Variants in ZFAT observed in about 807,000 individuals in gnomAD.
The protein encoded by ZFAT is zinc finger and AT-hook domain containing, also known as zinc finger protein ZFAT.
In ZFAT, 64 loss-of-function variants were observed where a neutral mutation model predicts 117.7. The observed-to-expected ratio is 0.54, with a 90% CI of 0.44 to 0.67. The LOEUF (loss-of-function observed/expected upper bound fraction) is 0.67. Ranked by LOEUF, ZFAT falls within the 30% of genes least tolerant of loss-of-function variation. ZFAT has a pLI of 0.00. For synonymous variants in ZFAT, 679 were observed against 615.0 expected (o/e 1.10, Z -1.54); for missense variants, 1,433 against 1,584.5 (o/e 0.90, Z 1.62).
At chr8:134,785,933 CAT>C in the ZFAT span, 47 of 152,296 alleles carry the variant, frequency 3.1e-4, no homozygotes, top group East Asian at 8.7e-3. Flanking sequence ...CATTCTCTAA[CAT>C]AGAATACTGC....
chr8:134,647,229 TA>T lies in ZFAT; in HGVS notation c.197-9518del, dbSNP rs971723997. 2.3e-3 allele frequency among the ~76,000 whole-genome samples: 354 copies of T among 152,298 alleles called. 1 individual carries two copies. The highest frequency in any genetic ancestry group is 8.2e-3 in the African/African-American group (342 of 41,560). Reference sequence around the variant, plus strand: ...GGCTGGTTCAACATATGTGTATAAATAAATGTGATATATAACATTTATAGAA... The same window carrying T: ...GGCTGGTTCAACATATGTGTATAAATAATGTGATATATAACATTTATAGAA... On this transcript the variant is annotated intron_variant, in intron 2 of 15. Coordinates refer to ENST00000377838, the MANE Select transcript of ZFAT (RefSeq NM_020863.4).
chr8:134,517,945 C>A (rs918388656), intron 13 of ZFAT, among the ~76,000 whole-genome samples: 1 of 152,104 alleles, frequency 6.6e-6, no homozygotes, highest in Non-Finnish European at 1.5e-5. Context: ...CTGATGATGC[C>A]AACCTCTACT....
chr8:134,761,982 ATGTGTGTGTGTGTGTG>A, the ZFAT span, among the ~76,000 whole-genome samples: 1 of 147,242 alleles, frequency 6.8e-6, no homozygotes, highest in South Asian at 2.2e-4. Context: ...TTCTCTCTGT[ATGTGTGTGTGTGTGTG>A]TGTGTGTGTG....
the ZFAT span, among the ~76,000 whole-genome samples, chr8:134,803,700 G>A: frequency 6.6e-6 from 1 of 152,076 alleles, no homozygotes; most frequent in East Asian, 1.9e-4. Context: ...AAAGATAAGA[G>A]GCAACAGTAG....
intron 1 of ZFAT, among the ~76,000 whole-genome samples, chr8:134,691,944 C>A (rs181371399): frequency 7.9e-5 from 12 of 152,154 alleles, no homozygotes; most frequent in African/African-American, 2.9e-4. Context: ...ACTAACTGAA[C>A]CCTCCTGGGT....
intron 1 of ZFAT, among the ~76,000 whole-genome samples, chr8:134,710,051 T>C (rs956588158): frequency 6.6e-6 from 1 of 152,228 alleles, no homozygotes; most frequent in Admixed American, 6.5e-5. Context: ...CTTTTCTCAT[T>C]TGGTACAGCT....
intron 13 of ZFAT, 54 bp from the exon 14 acceptor site, chr8:134,512,655 G>GTCATACATAACAT: frequency 6.3e-7 from 1 of 1,578,982 alleles, no homozygotes; most frequent in African/African-American, 1.4e-5. Context: ...CTGTTGCCCA[G>GTCATACATAACAT]AAGTTCCAAG....
chr8:134,828,027 T>G, the ZFAT span, among the ~76,000 whole-genome samples: 1 of 152,182 alleles, frequency 6.6e-6, no homozygotes, highest in Non-Finnish European at 1.5e-5. Context: ...TATACTCACC[T>G]TTTTTACATG....
intron 10 of ZFAT, chr8:134,565,782 A>G (rs571156194): frequency 3.0e-6 from 1 of 337,534 alleles, no homozygotes; most frequent in African/African-American, 2.2e-5. Flanking sequence ...GGAATGGACC[A>G]CAGGGTGCTC....
intron 10 of ZFAT, 103 bp from the exon 11 acceptor site, chr8:134,565,524 A>T: frequency 9.3e-7 from 1 of 1,077,180 alleles, no homozygotes; most frequent in Non-Finnish European, 1.4e-6. Flanking sequence ...GTTCCTTGCC[A>T]TGTGAGGATC....
At chr8:134,632,646 TAA>T (rs757968475) in intron 3 of ZFAT, among the ~76,000 whole-genome samples, 243 of 152,184 alleles carry the variant, frequency 1.6e-3, no homozygotes, top group Non-Finnish European at 2.6e-3. Flanking sequence ...GCAAAAAATG[TAA>T]AAGATACATT....
the ZFAT span, among the ~76,000 whole-genome samples, chr8:134,817,099 A>G: frequency 6.6e-6 from 1 of 152,166 alleles, no homozygotes; most frequent in Non-Finnish European, 1.5e-5. Flanking sequence ...TATGCTGCCC[A>G]GTTGATCAAA....
the ZFAT span, among the ~76,000 whole-genome samples, chr8:134,719,383 T>C: frequency 6.6e-6 from 1 of 152,046 alleles, no homozygotes; most frequent in Admixed American, 6.5e-5. Context: ...GAAAATGCAG[T>C]TGAGTGCCAC....
intron 2 of ZFAT, among the ~76,000 whole-genome samples, chr8:134,650,430 C>A (rs1272599649): frequency 6.6e-6 from 1 of 152,076 alleles, no homozygotes; most frequent in Non-Finnish European, 1.5e-5. Flanking sequence ...CCGGCCTAAA[C>A]CTCTTTTCTT....
chr8:134,821,076 A>G, the ZFAT span, among the ~76,000 whole-genome samples: 2 of 152,228 alleles, frequency 1.3e-5, no homozygotes, highest in Non-Finnish European at 2.9e-5. Context: ...TCTGATTCTC[A>G]GATGGTTGTT....
intron 15 of ZFAT, among the ~76,000 whole-genome samples, chr8:134,484,621 T>G (rs550696908): frequency 1.3e-5 from 2 of 152,124 alleles, no homozygotes; most frequent in African/African-American, 2.4e-5. Context: ...AGAGCACAGA[T>G]TTTTTGACTT....
chr8:134,564,508 G>A (rs902390397), intron 11 of ZFAT, among the ~76,000 whole-genome samples: 10 of 152,234 alleles, frequency 6.6e-5, no homozygotes, highest in African/African-American at 1.4e-4. Context: ...CACTTTTGGG[G>A]TGATACCAGC....
chr8:134,633,348 AC>A (rs1323301488), intron 3 of ZFAT, among the ~76,000 whole-genome samples: 1 of 152,238 alleles, frequency 6.6e-6, no homozygotes, highest in African/African-American at 2.4e-5. Flanking sequence ...TCGTTAAATA[AC>A]AACTTAACAA....
intron 15 of ZFAT, among the ~76,000 whole-genome samples, chr8:134,483,731 C>T (rs1242328964): frequency 6.6e-6 from 1 of 152,186 alleles, no homozygotes; most frequent in African/African-American, 2.4e-5. Context: ...CTGAATCAGG[C>T]ACCGTGTTCT....
Sources: gnomAD v4.1 joint callset for allele counts (sites outside exome capture counted in the v4.1 genomes callset) on GRCh38, gnomAD v4.1.1 for gene constraint, MANE v1.5 for transcripts, NCBI Gene and HGNC (gene_info 2026-07-23, HGNC 2026-07-21) for gene names.